OR1J2: variants seen among roughly 807,000 people sequenced by gnomAD.
OR1J2 encodes olfactory receptor 1J2.
For missense variants in OR1J2, 304 were observed against 246.1 expected (o/e 1.24, Z -1.57); for synonymous variants, 142 against 99.7 (o/e 1.42, Z -2.52).
chr9:122,533,819 TC>T, the OR1J2 span, among the ~76,000 whole-genome samples: 1 of 152,208 alleles, frequency 6.6e-6, no homozygotes, highest in South Asian at 2.1e-4. Context: ...GGACTTACCC[TC>T]CACTCTGAGA....
At chr9:122,563,184 A>G in the OR1J2 span, among the ~76,000 whole-genome samples, 2 of 149,364 alleles carry the variant, frequency 1.3e-5, no homozygotes, top group African/African-American at 4.9e-5. Flanking sequence ...AGCATTTGTT[A>G]TTTTTTTTTT....
At chr9:122,476,118 G>A in the OR1J2 span, among the ~76,000 whole-genome samples, 1 of 152,228 alleles carries the variant, frequency 6.6e-6, no homozygotes, top group Non-Finnish European at 1.5e-5. Context: ...GAACTGAGGT[G>A]ACATTTATTT....
At chr9:122,545,106 T>C in the OR1J2 span, among the ~76,000 whole-genome samples, 3 of 152,136 alleles carry the variant, frequency 2.0e-5, no homozygotes, top group African/African-American at 7.2e-5. Context: ...GACTTTCTAT[T>C]TGTATTGCTT....
chr9:122,476,568 C>G, the OR1J2 span, among the ~76,000 whole-genome samples: 1 of 152,034 alleles, frequency 6.6e-6, no homozygotes, highest in African/African-American at 2.4e-5. Context: ...AGAGTGACAG[C>G]TGTGGAAGAA....
the OR1J2 span, among the ~76,000 whole-genome samples, chr9:122,534,367 C>T: frequency 6.6e-6 from 1 of 152,034 alleles, no homozygotes; most frequent in African/African-American, 2.4e-5. Context: ...GGGTCTAGGA[C>T]TGTAAAGCGT....
the OR1J2 span, among the ~76,000 whole-genome samples, chr9:122,550,486 C>G: frequency 6.6e-6 from 1 of 150,936 alleles, no homozygotes; most frequent in Non-Finnish European, 1.5e-5. Context: ...ACAATAGATG[C>G]AAAAATTCTC....
At chr9:122,543,403 A>G in the OR1J2 span, among the ~76,000 whole-genome samples, 1 of 152,100 alleles carries the variant, frequency 6.6e-6, no homozygotes, top group South Asian at 2.1e-4. Context: ...GGGTTTTGCC[A>G]TGTTGCCCAG....
At chr9:122,519,443 G>A in the OR1J2 span, 1 of 1,614,140 alleles carries the variant, frequency 6.2e-7, no homozygotes, top group Non-Finnish European at 8.5e-7. Context: ...TAACTCAGAT[G>A]TATTTTTTCA....
chr9:122,477,822 G>A, the OR1J2 span: 10 of 1,614,020 alleles, frequency 6.2e-6, no homozygotes, highest in Non-Finnish European at 8.5e-6. Flanking sequence ...CCGTGGTCAG[G>A]TACATGCCCA....
chr9:122,499,997 A>G, the OR1J2 span, among the ~76,000 whole-genome samples: 58 of 152,310 alleles, frequency 3.8e-4, no homozygotes, highest in African/African-American at 1.3e-3. Context: ...CAGGAGCACA[A>G]TTATAGCACC....
At chr9:122,452,804 G>T in the OR1J2 span, among the ~76,000 whole-genome samples, 1 of 151,544 alleles carries the variant, frequency 6.6e-6, no homozygotes, top group Non-Finnish European at 1.5e-5. Flanking sequence ...CGAAGCTGGC[G>T]GATCACCTGA....
the OR1J2 span, chr9:122,527,266 A>T: frequency 8.7e-6 from 14 of 1,611,320 alleles, no homozygotes; most frequent in African/African-American, 1.3e-5. Flanking sequence ...CGGAGGAAAA[A>T]TTCAGAAATG....
chr9:122,548,218 T>C, the OR1J2 span, among the ~76,000 whole-genome samples: 64 of 152,312 alleles, frequency 4.2e-4, no homozygotes, highest in African/African-American at 1.3e-3. Context: ...AAATGAGGAA[T>C]AGTAAATTGT....
At chr9:122,484,609 T>A in the OR1J2 span, among the ~76,000 whole-genome samples, 1 of 152,064 alleles carries the variant, frequency 6.6e-6, no homozygotes, top group Non-Finnish European at 1.5e-5. Context: ...AAGACACTAT[T>A]ATGAAGCACA....
the OR1J2 span, among the ~76,000 whole-genome samples, chr9:122,494,319 A>G: frequency 6.6e-6 from 1 of 152,090 alleles, no homozygotes; most frequent in East Asian, 1.9e-4. Flanking sequence ...CATCTATGTC[A>G]TTCCTTAAGT....
chr9:122,458,085 T>C, the OR1J2 span, among the ~76,000 whole-genome samples: 1 of 152,190 alleles, frequency 6.6e-6, no homozygotes, highest in Admixed American at 6.5e-5. Context: ...TGATGAAATT[T>C]CTTTAATATT....
At chr9:122,456,841 TATC>T in the OR1J2 span, among the ~76,000 whole-genome samples, 3 of 152,154 alleles carry the variant, frequency 2.0e-5, no homozygotes, top group Non-Finnish European at 4.4e-5. Flanking sequence ...GAACCAGAAA[TATC>T]ATTTGGATCA....
At chr9:122,491,080 T>C in the OR1J2 span, among the ~76,000 whole-genome samples, 1 of 152,190 alleles carries the variant, frequency 6.6e-6, no homozygotes, top group East Asian at 1.9e-4. Context: ...GTCTCCGTAG[T>C]CAGAATCTAA....
At chr9:122,483,444 T>G in the OR1J2 span, among the ~76,000 whole-genome samples, 5 of 152,202 alleles carry the variant, frequency 3.3e-5, no homozygotes, top group Non-Finnish European at 5.9e-5. Context: ...GCCATATGTG[T>G]CTACATAGAT....
Sources: allele counts gnomAD v4.1 joint callset (sites outside exome capture counted in the v4.1 genomes callset), GRCh38; gene constraint gnomAD v4.1.1; transcripts MANE v1.5; gene names NCBI Gene and HGNC (gene_info 2026-07-23, HGNC 2026-07-21).